The following CCDC178 variants were observed in gnomAD, a reference collection of about 807,000 sequenced individuals.
The protein encoded by CCDC178 is coiled-coil domain-containing protein 178.
Under a neutral mutation model 117.4 loss-of-function variants are expected in CCDC178, and 126 were observed. The ratio of observed to expected loss-of-function variants is 1.07; its 90% CI spans 0.93 to 1.24. The LOEUF (loss-of-function observed/expected upper bound fraction) is 1.24, where lower values mean the gene tolerates loss of function less well. Among genes scored for constraint, CCDC178 ranks in the 50% most tolerant of loss-of-function variants. The pLI is 0.00. For missense variants in CCDC178, 1,030 were observed against 986.9 expected, an observed-to-expected ratio of 1.04 and a Z score of -0.59; for synonymous variants, 283 against 313.4, an observed-to-expected ratio of 0.90 and a Z score of 1.02.
intron 14 of CCDC178, among the ~76,000 whole-genome samples, chr18:33,260,515 T>A (rs1218182220): frequency 2.0e-5 from 3 of 151,440 alleles, no homozygotes; most frequent in African/African-American, 7.3e-5. Context: ...TTTTTTGGTT[T>A]ATCAATTTAT....
intron 21 of CCDC178, chr18:32,983,322 T>C (rs2055190900): frequency 6.5e-7 from 1 of 1,531,890 alleles, no homozygotes; most frequent in East Asian, 2.4e-5. Flanking sequence ...GGCAGAGAGT[T>C]TGGAAGTTTC....
At chr18:33,123,587 A>G (rs1338371929) in intron 20 of CCDC178, among the ~76,000 whole-genome samples, 2 of 152,120 alleles carry the variant, frequency 1.3e-5, no homozygotes, top group East Asian at 3.8e-4. Flanking sequence ...ATAAAAGAAC[A>G]TTTTATCACA....
intron 18 of CCDC178, among the ~76,000 whole-genome samples, chr18:33,222,628 T>C (rs1047146000): frequency 1.3e-5 from 2 of 152,092 alleles, no homozygotes. Context: ...GCCTAGCCTC[T>C]TATTGGGGAT....
intron 6 of CCDC178, among the ~76,000 whole-genome samples, chr18:33,369,381 C>T (rs1324317664): frequency 1.3e-5 from 2 of 151,578 alleles, no homozygotes; most frequent in African/African-American, 4.8e-5. Context: ...TTTGCTGAGC[C>T]AGATCCAGTA....
chr18:33,284,894 T>C (rs923932199), intron 12 of CCDC178, among the ~76,000 whole-genome samples: 8 of 151,618 alleles, frequency 5.3e-5, no homozygotes, highest in Non-Finnish European at 1.0e-4. Flanking sequence ...AACTGTACTG[T>C]AGCTCTTGGG....
At chr18:33,093,377 C>T (rs1229457348) in intron 20 of CCDC178, among the ~76,000 whole-genome samples, 1 of 151,686 alleles carries the variant, frequency 6.6e-6, no homozygotes, top group East Asian at 1.9e-4. Context: ...TTGGTACCCA[C>T]AGAAAACATT....
intron 11 of CCDC178, among the ~76,000 whole-genome samples, chr18:33,305,775 CACAG>C (rs1163845066): frequency 6.6e-6 from 1 of 152,116 alleles, no homozygotes; most frequent in Non-Finnish European, 1.5e-5. Flanking sequence ...GCTGAAGCCC[CACAG>C]ACAAAGTGGC....
At chr18:33,179,779 A>G (rs1234628455) in intron 20 of CCDC178, among the ~76,000 whole-genome samples, 2 of 152,152 alleles carry the variant, frequency 1.3e-5, no homozygotes, top group Admixed American at 6.6e-5. Flanking sequence ...GCATATGCAA[A>G]TCTCAGAGCT....
At chr18:33,099,510 T>C (rs1004067087) in intron 20 of CCDC178, among the ~76,000 whole-genome samples, 1 of 151,986 alleles carries the variant, frequency 6.6e-6, no homozygotes, top group Non-Finnish European at 1.5e-5. Context: ...TCCAAGTCTG[T>C]TTGTGAGTAA....
At chr18:33,055,448 C>T (rs1034082414) in intron 21 of CCDC178, among the ~76,000 whole-genome samples, 14 of 151,414 alleles carry the variant, frequency 9.2e-5, no homozygotes, top group African/African-American at 2.7e-4. Context: ...CGGTTCCTCC[C>T]GCCTCAGCCT....
At chr18:33,146,037 T>C (rs1311717920) in intron 20 of CCDC178, among the ~76,000 whole-genome samples, 1 of 152,184 alleles carries the variant, frequency 6.6e-6, no homozygotes, top group Non-Finnish European at 1.5e-5. Context: ...TTAAAATATA[T>C]GGCATTTGAT....
intron 2 of CCDC178, among the ~76,000 whole-genome samples, chr18:33,430,593 T>C (rs536250277): frequency 2.9e-4 from 44 of 152,138 alleles, no homozygotes; most frequent in Middle Eastern, 6.8e-3. Context: ...AAAGCTACAG[T>C]GAAAGAAGCT....
At chr18:33,229,429 T>C (rs918603755) in intron 15 of CCDC178, among the ~76,000 whole-genome samples, 3 of 152,220 alleles carry the variant, frequency 2.0e-5, no homozygotes, top group Non-Finnish European at 4.4e-5. Flanking sequence ...CTACCATTTG[T>C]ACTACTCCTA....
At chr18:32,945,536 A>G (rs2054325634) in intron 22 of CCDC178, among the ~76,000 whole-genome samples, 1 of 152,230 alleles carries the variant, frequency 6.6e-6, no homozygotes, top group African/African-American at 2.4e-5. Context: ...TTGAATTTCA[A>G]CAATTTAAAA....
intron 20 of CCDC178, among the ~76,000 whole-genome samples, chr18:33,097,688 A>C (rs1204072669): frequency 6.6e-6 from 1 of 152,114 alleles, no homozygotes; most frequent in Non-Finnish European, 1.5e-5. Flanking sequence ...CAGTCTTCAT[A>C]AAATGTAATG....
chr18:33,250,976 T>C (rs2059613727), intron 14 of CCDC178, among the ~76,000 whole-genome samples: 1 of 151,354 alleles, frequency 6.6e-6, no homozygotes, highest in African/African-American at 2.4e-5. Flanking sequence ...CAAGCAAAAC[T>C]GAATAAGAAA....
intron 22 of CCDC178, among the ~76,000 whole-genome samples, chr18:32,966,195 T>C (rs978424915): frequency 1.3e-5 from 2 of 151,836 alleles, no homozygotes; most frequent in Admixed American, 6.6e-5. Context: ...GGCAAGTGAA[T>C]AGTCCATCTC....
chr18:33,073,836 G>A (rs745837811), intron 21 of CCDC178, among the ~76,000 whole-genome samples: 35 of 152,246 alleles, frequency 2.3e-4, no homozygotes, highest in African/African-American at 8.2e-4. Flanking sequence ...AAATACATAG[G>A]TGGCATGATA....
At position 33,350,358 on chromosome 18, in the gene CCDC178, C is replaced by T. The variant is rs1261723149; in HGVS notation, c.372-1383G>A. Among the ~76,000 whole-genome samples the T allele has an allele frequency of 3.9e-5, 6 of 152,020 alleles. No homozygotes were observed. In the East Asian group the frequency reaches 9.6e-4, roughly 24 times the overall value. ...GTGGCATTTAATACATTCACAACATCGTACAACTATCATCCCATCTCATTC... is the reference window on the plus strand; with the variant it reads ...GTGGCATTTAATACATTCACAACATTGTACAACTATCATCCCATCTCATTC... On this transcript the variant is annotated intron_variant, in intron 7 of 22. Coordinates refer to ENST00000383096, the MANE Select transcript of CCDC178 (RefSeq NM_001105528.4).
Sources: allele counts gnomAD v4.1 joint callset (sites outside exome capture counted in the v4.1 genomes callset), GRCh38; gene constraint gnomAD v4.1.1; transcripts MANE v1.5; gene names NCBI Gene and HGNC (gene_info 2026-07-23, HGNC 2026-07-21).